The following TTN variants were observed in gnomAD, a reference collection of about 807,000 sequenced individuals.
TTN encodes the protein titin.
Under a neutral mutation model 3,223.0 loss-of-function variants are expected in TTN, and 1,525 were observed. The observed-to-expected ratio is 0.47, with a 90% CI of 0.45 to 0.49. The LOEUF (loss-of-function observed/expected upper bound fraction) is 0.49, where lower values mean the gene tolerates loss of function less well. Ranked by LOEUF, TTN falls within the 20% of genes least tolerant of loss-of-function variation. The pLI, the probability that TTN is intolerant of heterozygous loss-of-function variation, is 0.00. For missense variants in TTN, 40,786 were observed against 43,424.0 expected (o/e 0.94, Z 5.40); for synonymous variants, 14,094 against 15,161.0 (o/e 0.93, Z 5.17).
Position 178,684,952 on chromosome 2 carries a change from T to A in TTN, c.32508A>T (p.Lys10836Asn), listed in dbSNP as rs1476495278. The change falls in exon 130 of 363, where the codon AAA becomes AAT. Residue 10836 changes from lysine to asparagine, a missense_variant. Coordinates refer to ENST00000589042, the MANE Select transcript of TTN (RefSeq NM_001267550.2). ...EAPKKIVPEK[K>N]VPAPVPKKEK... ...CCTTTTTAGGAACTGGAGCAGGAACTTTCTTTTCTGGCACAATTTTCTTAG... is the reference window on the plus strand; with the variant it reads ...CCTTTTTAGGAACTGGAGCAGGAACATTCTTTTCTGGCACAATTTTCTTAG... 1.2e-6 allele frequency: 2 copies of A among 1,609,138 alleles called. No homozygotes were observed. The highest frequency in any genetic ancestry group is 2.2e-5 in the East Asian group (1 of 44,830).
chr2:178,560,508 T>C lies in TTN; in HGVS notation c.85624A>G (p.Ile28542Val), dbSNP rs554841820. The change falls in exon 326 of 363, where the codon ATA becomes GTA. Residue 28542 changes from isoleucine (I) to valine (V), a missense_variant. By Grantham distance (29) the Ile-to-Val change is conservative. Transcript: ENST00000589042. ...ACTGTAAATGGATCTAGTGCCTTTA[T>C]AGCTACACTCTCTAGGGGCTCACCA... ...GVGEPLESVA[I>V]KALDPFTVPS... is the part of the protein sequence containing the mutation. 1.1e-5 allele frequency: 18 copies of C among 1,613,092 alleles called. No homozygotes were observed. The Admixed American group carries it at 2.3e-4, about 21-fold the overall frequency.
chr2:178,561,073 C>T lies in TTN; in HGVS notation c.85059G>A (p.Glu28353=), dbSNP rs752851241. 4.3e-6 allele frequency: 7 copies of T among 1,613,826 alleles called. No individual in the cohort carries two copies. The highest frequency in any genetic ancestry group is 2.2e-5 in the East Asian group (1 of 44,874). The change falls in exon 326 of 363, where the codon GAG becomes GAA. Residue 28353 remains glutamate, a synonymous_variant. Coordinates refer to ENST00000589042, the MANE Select transcript of TTN (RefSeq NM_001267550.2). ...TGACATCCATCATAACTCTTGGAGGCTCAACATCATCTTTAACTATAATAG... is the reference window on the plus strand; with the variant it reads ...TGACATCCATCATAACTCTTGGAGGTTCAACATCATCTTTAACTATAATAG... ...TGPIIVKDDV[E]PPRVMMDVKF...
rs760165896 is a variant in TTN, at chr2:178,747,108, G to T, written c.11312-5187C>A. On this transcript the variant is annotated intron_variant, in intron 47 of 362. Transcript: ENST00000589042. ...TATCGCTCTAGAGTCTCTCCTGGGG[G>T]TGTGGAGTATCTCTCCAGAGTCTCT... 8 of 1,608,984 alleles carry T rather than the reference G, an allele frequency of 5.0e-6. No homozygotes were observed. In the South Asian group the frequency reaches 7.7e-5, roughly 15 times the overall value.
At position 178,723,959 on chromosome 2, in the gene TTN, T is replaced by C. The variant is rs1344610695; in HGVS notation, c.21300A>G (p.Thr7100=). The stretch of plus-strand genomic sequence containing the variant: ...AGGAATCCAGAGAATTCAACTGCAA[T>C]GTGCAGACATTATCTGAAAATGTGG... The part of the protein sequence containing the change: ...YQTTFSDNVC[T]LQLNSLDSSD... Residue 7100 remains threonine, a synonymous_variant, in exon 73 of 363, where the codon ACA becomes ACG. Transcript: ENST00000589042. 2 of 1,613,604 alleles carry C rather than the reference T, an allele frequency of 1.2e-6. No homozygotes were observed. The highest frequency in any genetic ancestry group is 2.7e-5 in the African/African-American group (2 of 75,040).
rs1131692031 is a variant in TTN at position 178,582,141 on chromosome 2, C to T, written c.66228G>A (p.Trp22076Ter). The stretch of plus-strand genomic sequence containing the variant: ...AGCCCCCATCATCTGCTGGTGGCTT[C>T]CAGCTGACTGTCATGTGATCTTTGG... ...NITKDHMTVS[W>*]KPPADDGGSP... Residue 22076 changes from tryptophan to a stop codon, truncating the protein, a stop_gained, in exon 315 of 363, where the codon TGG becomes TGA. Coordinates refer to ENST00000589042, the MANE Select transcript of TTN (RefSeq NM_001267550.2). LOFTEE classifies it high-confidence loss of function. 1.2e-6 allele frequency: 2 copies of T among 1,612,642 alleles called. No individual in the cohort carries two copies. Among genetic ancestry groups the T allele is most frequent in the Non-Finnish European group, 1.7e-6 (2 of 1,179,518 alleles).
intron 150 of TTN, 36 bp from the exon 151 acceptor site, chr2:178,674,445 T>C: frequency 7.9e-7 from 1 of 1,272,782 alleles, no homozygotes. Flanking sequence ...ATTATTTTTA[T>C]AATTATTTTG....
At chr2:178,729,991 G>A in intron 62 of TTN, 46 bp from the exon 63 acceptor site, 4 of 1,598,272 alleles carry the variant, frequency 2.5e-6, no homozygotes, top group Non-Finnish European at 3.4e-6. Flanking sequence ...TTTAAAAACA[G>A]GTCACTGGGC....
At chr2:178,669,329 A>T in intron 159 of TTN, 44 bp downstream of exon 159, 1 of 1,436,558 alleles carries the variant, frequency 7.0e-7, no homozygotes, top group South Asian at 1.3e-5. Flanking sequence ...GAATTTAAGG[A>T]CATAAATGAA....
rs1317804909 is a variant in TTN, at chr2:178,598,447, TAAC to T, written c.57111+56_57111+58del. The T allele has an allele frequency of 5.8e-6, 9 of 1,560,320 alleles. No homozygotes were observed. The Admixed American group carries it at 1.9e-4, about 33-fold the overall frequency. Reference sequence around the variant, plus strand: ...AGACAGAAGTTAATGGGATTGAGAATAACTATGACATTTTTTAGTTTATTCATA... The same window carrying T: ...AGACAGAAGTTAATGGGATTGAGAATTATGACATTTTTTAGTTTATTCATA... On this transcript the variant is annotated intron_variant, in intron 292 of 362. Transcript: ENST00000589042.
intron 153 of TTN, 70 bp from the exon 154 acceptor site, chr2:178,672,551 C>A: frequency 3.7e-6 from 6 of 1,600,010 alleles, no homozygotes; most frequent in South Asian, 2.2e-5. Context: ...TCATCAAAAA[C>A]AATCAAGACA....
In TTN at chr2:178,551,698, G is replaced by A; in HGVS notation, c.91202C>T (p.Ala30401Val). The A allele has an allele frequency of 1.2e-6, 2 of 1,613,136 alleles. No homozygotes were observed. Among genetic ancestry groups the A allele is most frequent in the Non-Finnish European group, 1.7e-6 (2 of 1,179,368 alleles). The change falls in exon 335 of 363, where the codon GCT becomes GTT. Residue 30401 changes from alanine to valine, a missense_variant. Ala to Val is a moderately conservative substitution (Grantham distance 64). Transcript: ENST00000589042. Reference sequence around the variant, plus strand: ...TGAGCTTAGGCCAGCAGAATTTTCAGCATATACACGGAATTGGTAATCCAG... The same window carrying A: ...TGAGCTTAGGCCAGCAGAATTTTCAACATATACACGGAATTGGTAATCCAG... ...EGLDYQFRVY[A>V]ENSAGLSSPS... is the part of the protein sequence containing the mutation.
At position 178,584,301 on chromosome 2, in the gene TTN, T is replaced by C. The variant is rs2048454347; in HGVS notation, c.65250A>G (p.Glu21750=). Residue 21750 remains glutamate, a synonymous_variant, in exon 311 of 363, where the codon GAA becomes GAG. Coordinates refer to ENST00000589042, the MANE Select transcript of TTN (RefSeq NM_001267550.2). The part of the protein sequence containing the change: ...AGSSPPSKPT[E]YVTARMPVDP... ...CAACTGGCATTCTTGCAGTTACATA[T>C]TCTGTGGGTTTGCTGGGTGGGCTGG... 6.3e-7 allele frequency: 1 copy of C among 1,590,720 alleles called. No homozygotes were observed. Among genetic ancestry groups the C allele is most frequent in the Non-Finnish European group, 8.6e-7 (1 of 1,165,652 alleles).
rs2057365299 is a variant in TTN, at chr2:178,616,465, T to A, written c.48312+14A>T. ...CTCATTTTTGGCATTGATGCAGTGCTGCTCAAAACTCACTTTAGTCCATGT... is the reference window on the plus strand; with the variant it reads ...CTCATTTTTGGCATTGATGCAGTGCAGCTCAAAACTCACTTTAGTCCATGT... On this transcript the variant is annotated intron_variant, in intron 257 of 362. Transcript: ENST00000589042. The A allele has an allele frequency of 5.6e-6, 9 of 1,611,614 alleles. No individual in the cohort carries two copies. The Middle Eastern group carries it at 4.9e-4, about 89-fold the overall frequency.
chr2:178,704,632 A>G lies in TTN; in HGVS notation c.29840T>C (p.Phe9947Ser). ...TCGGTCACCATCAATGCTTATTTCAAATTTATCACTGGGTTCCAGTTTTTC... is the reference window on the plus strand; with the variant it reads ...TCGGTCACCATCAATGCTTATTTCAGATTTATCACTGGGTTCCAGTTTTTC... ...GTEKLEPSDK[F>S]EISIDGDRHT... The change falls in exon 105 of 363, where the codon TTT becomes TCT. Residue 9947 changes from phenylalanine (F) to serine (S), a missense_variant. By Grantham distance (155) the Phe-to-Ser change is radical (BLOSUM62 -2). Coordinates refer to ENST00000589042, the MANE Select transcript of TTN (RefSeq NM_001267550.2). 6.2e-7 allele frequency: 1 copy of G among 1,612,554 alleles called. No individual in the cohort carries two copies. The highest frequency in any genetic ancestry group is 8.5e-7 in the Non-Finnish European group (1 of 1,179,108).
In TTN at chr2:178,604,124, G is replaced by T; in HGVS notation, c.54563C>A (p.Thr18188Asn). The change falls in exon 282 of 363, where the codon ACT becomes AAT. Residue 18188 changes from threonine to asparagine, a missense_variant. Physicochemically the swap from Thr to Asn is moderately conservative, Grantham distance 65. Coordinates refer to ENST00000589042, the MANE Select transcript of TTN (RefSeq NM_001267550.2). Reference protein sequence around the residue: ...RTKGSMLVSWTPPLDNGGSPI... With the variant: ...RTKGSMLVSWNPPLDNGGSPI... ...AGAGCCACCATTGTCCAAAGGAGGA[G>T]TCCAGCTCACTAGCATTGATCCTTT... 6.2e-7 allele frequency: 1 copy of T among 1,612,542 alleles called. No homozygotes were observed. Among genetic ancestry groups the T allele is most frequent in the Non-Finnish European group, 8.5e-7 (1 of 1,179,016 alleles).
chr2:178,675,183 A>G, intron 149 of TTN, 70 bp from the exon 150 acceptor site: 1 of 981,634 alleles, frequency 1.0e-6, no homozygotes, highest in Non-Finnish European at 1.5e-6. Flanking sequence ...CCACGTTTCC[A>G]GTTTCCAACA....
In TTN at chr2:178,739,640, T is replaced by C. The variant is rs1213867892; in HGVS notation, c.13593A>G (p.Ser4531=). 6.2e-7 allele frequency: 1 copy of C among 1,613,568 alleles called. No homozygotes were observed. The highest frequency in any genetic ancestry group is 2.2e-5 in the East Asian group (1 of 44,848). The change falls in exon 48 of 363, where the codon TCA becomes TCG. Residue 4531 remains serine (S), a synonymous_variant. Transcript: ENST00000589042. ...CGTTAAAATAACTGACCTCTTCAGT[T>C]GAGATCAGATATTTAGATTCAACTT... is the stretch of plus-strand genomic sequence containing the variant. ...EPEVESKYLI[S]TEEVSYFNVQ...
At chr2:178,606,125 G>A (rs2054739308) in intron 278 of TTN, among the ~76,000 whole-genome samples, 1 of 151,974 alleles carries the variant, frequency 6.6e-6, no homozygotes, top group African/African-American at 2.4e-5. Context: ...CATACTTTGA[G>A]TCATGTTGCC....
Position 178,558,355 on chromosome 2 carries a change from A to G in TTN, c.87104T>C (p.Ile29035Thr), listed in dbSNP as rs768635896. The change falls in exon 327 of 363, where the codon ATT becomes ACT. Residue 29035 changes from isoleucine (I) to threonine (T), a missense_variant. Physicochemically the swap from Ile to Thr is moderately conservative, Grantham distance 89. Coordinates refer to ENST00000589042, the MANE Select transcript of TTN (RefSeq NM_001267550.2). Reference sequence around the variant, plus strand: ...ATTAGACATACCTAGTTGCTCCTTAATAAGAACAGGAAGCAGAAGCTCTCT... The same window carrying G: ...ATTAGACATACCTAGTTGCTCCTTAGTAAGAACAGGAAGCAGAAGCTCTCT... The part of the protein sequence containing the change: ...DPRELLLPVL[I>T]KEQLEPPEID... The G allele has an allele frequency of 6.8e-6, 11 of 1,612,220 alleles. 1 individual carries two copies. In the South Asian group the frequency reaches 1.2e-4, roughly 18 times the overall value.
Sources: gnomAD v4.1 joint callset for allele counts (sites outside exome capture counted in the v4.1 genomes callset) on GRCh38, gnomAD v4.1.1 for gene constraint, MANE v1.5 for transcripts, NCBI Gene and HGNC (gene_info 2026-07-23, HGNC 2026-07-21) for gene names.